The following TNPO1 variants were observed in gnomAD, a reference collection of about 807,000 sequenced individuals.
TNPO1 encodes transportin 1.
A neutral mutation model predicts 119.5 loss-of-function variants in TNPO1; 8 were observed. The ratio of observed to expected loss-of-function variants is 0.07; its 90% confidence interval spans 0.04 to 0.12. The LOEUF (loss-of-function observed/expected upper bound fraction) is 0.12, where lower values mean the gene tolerates loss of function less well. Ranked by LOEUF, TNPO1 falls within the 10% of genes least tolerant of loss-of-function variation. The pLI is 1.00. For missense variants in TNPO1, 576 were observed against 1,089.8 expected, an observed-to-expected ratio of 0.53 and a Z score of 6.64; for synonymous variants, 362 against 363.0, an observed-to-expected ratio of 1.00 and a Z score of 0.03.
intron 1 of TNPO1, among the ~76,000 whole-genome samples, chr5:72,827,590 G>T (rs1429797635): frequency 1.3e-5 from 2 of 152,092 alleles, no homozygotes; most frequent in African/African-American, 4.8e-5. Flanking sequence ...GGGAAATAAG[G>T]ATCATTGCTT....
chr5:72,864,594 T>C lies in TNPO1; in HGVS notation c.463-1002T>C, dbSNP rs563449560. On this transcript the variant is annotated intron_variant, in intron 5 of 24. Transcript: ENST00000337273. ...TTTTATATGTAAGTAACTTTTTTTT[T>C]CTATATGTAAGTAACTTTTTTTTCC... 5.5e-4 allele frequency among the ~76,000 whole-genome samples: 84 copies of C among 151,692 alleles called. 2 individuals are homozygous for C. The highest frequency in any genetic ancestry group is 1.9e-3 in the African/African-American group (77 of 41,518).
rs986224765 is a variant in TNPO1 at position 72,912,309 on chromosome 5, TAAGA to T, written c.*3637_*3640del. On this transcript the variant is annotated 3_prime_UTR_variant, in exon 25 of 25. Transcript: ENST00000337273. ...TGATAAACACTGTGATTTTTTTGGTTAAGACTTTTTCATTGATCTGAATTGCTTA... is the reference window on the plus strand; with the variant it reads ...TGATAAACACTGTGATTTTTTTGGTTCTTTTTCATTGATCTGAATTGCTTA... The T allele has an allele frequency of 6.6e-6, 1 of 152,512 alleles. No individual in the cohort carries two copies. Among genetic ancestry groups the T allele is most frequent in the Non-Finnish European group, 1.5e-5 (1 of 67,916 alleles). 9.4% of individuals were successfully genotyped at this position (152,512 alleles called of 1,614,324 possible). A position where few individuals can be genotyped will look rare whatever the true frequency, so the allele number is the denominator to read the frequency against.
intron 19 of TNPO1, 92 bp downstream of exon 19, chr5:72,896,648 TC>T (rs1749449017): frequency 5.5e-6 from 5 of 904,536 alleles, no homozygotes. Flanking sequence ...GGCGGGCAGA[TC>T]ACCTGAGGTC....
intron 2 of TNPO1, 139 bp from the exon 3 acceptor site, chr5:72,851,105 A>C: frequency 3.2e-6 from 2 of 629,220 alleles, no homozygotes; most frequent in Non-Finnish European, 5.7e-6. Flanking sequence ...AGATTTAGTA[A>C]GATATCCTTA....
At position 72,910,518 on chromosome 5, in the gene TNPO1, G is replaced by A. The variant is rs913003247; in HGVS notation, c.*1845G>A. The A allele has an allele frequency of 1.3e-5, 2 of 152,576 alleles. No individual in the cohort carries two copies. Among genetic ancestry groups the A allele is most frequent in the Non-Finnish European group, 2.9e-5 (2 of 68,004 alleles). The allele number at this position is 152,576 out of a possible 1,614,324, so 9.5% of individuals were successfully genotyped here. On this transcript the variant is annotated 3_prime_UTR_variant, in exon 25 of 25. Transcript: ENST00000337273. ...CTCTGCTGGTCAGAGATGAAGCCACGCCTTTCCATTTTTCAATGCTGCATA... is the reference window on the plus strand; with the variant it reads ...CTCTGCTGGTCAGAGATGAAGCCACACCTTTCCATTTTTCAATGCTGCATA...
intron 7 of TNPO1, among the ~76,000 whole-genome samples, chr5:72,874,332 A>G (rs1159046513): frequency 2.6e-5 from 4 of 152,090 alleles, no homozygotes; most frequent in African/African-American, 9.7e-5. Context: ...AGTCTAACAT[A>G]TTGATGAAAA....
At chr5:72,888,889 G>A (rs1199970986) in intron 13 of TNPO1, among the ~76,000 whole-genome samples, 1 of 152,118 alleles carries the variant, frequency 6.6e-6, no homozygotes, top group African/African-American at 2.4e-5. Context: ...TTTATATCAA[G>A]CCAGCAGTTG....
At chr5:72,877,774 C>T (rs375525745) in intron 9 of TNPO1, among the ~76,000 whole-genome samples, 1 of 151,854 alleles carries the variant, frequency 6.6e-6, no homozygotes, top group African/African-American at 2.4e-5. Flanking sequence ...AATATAAGCT[C>T]GTGGGAAAAA....
At chr5:72,903,578 T>G in intron 22 of TNPO1, 131 bp from the exon 23 acceptor site, 1 of 621,594 alleles carries the variant, frequency 1.6e-6, no homozygotes, top group Non-Finnish European at 2.8e-6. Context: ...CTTATGATCA[T>G]AGTTAATTTT....
At chr5:72,876,472 A>G (rs922636249) in intron 8 of TNPO1, among the ~76,000 whole-genome samples, 1 of 152,226 alleles carries the variant, frequency 6.6e-6, no homozygotes, top group Non-Finnish European at 1.5e-5. Context: ...ATTCGCACTA[A>G]GAGATGTCAC....
At chr5:72,904,072 T>C (rs1383302292) in intron 23 of TNPO1, among the ~76,000 whole-genome samples, 1 of 152,188 alleles carries the variant, frequency 6.6e-6, no homozygotes, top group East Asian at 1.9e-4. Flanking sequence ...TTTTTCAAGA[T>C]GGAAATGGAG....
At chr5:72,831,345 T>A (rs1744453248) in intron 1 of TNPO1, among the ~76,000 whole-genome samples, 1 of 151,958 alleles carries the variant, frequency 6.6e-6, no homozygotes, top group African/African-American at 2.4e-5. Context: ...CTATATATAT[T>A]GTTTTTTCTT....
At chr5:72,838,778 T>C (rs1744799239) in intron 1 of TNPO1, among the ~76,000 whole-genome samples, 2 of 152,150 alleles carry the variant, frequency 1.3e-5, no homozygotes, top group Non-Finnish European at 2.9e-5. Context: ...AGGAATAGTT[T>C]GGAGTAGTAG....
chr5:72,907,424 C>CTCTT (rs1454786995), intron 24 of TNPO1, among the ~76,000 whole-genome samples: 1 of 152,026 alleles, frequency 6.6e-6, no homozygotes, highest in African/African-American at 2.4e-5. Context: ...TTTTGTACTC[C>CTCTT]TCTTCCTTTT....
At chr5:72,880,827 A>C (rs1748187938) in intron 9 of TNPO1, among the ~76,000 whole-genome samples, 1 of 151,812 alleles carries the variant, frequency 6.6e-6, no homozygotes, top group South Asian at 2.1e-4. Flanking sequence ...AAAAAAAAAA[A>C]AAAAAAACCT....
chr5:72,850,710 C>G (rs1745480164), intron 2 of TNPO1, among the ~76,000 whole-genome samples: 2 of 152,202 alleles, frequency 1.3e-5, no homozygotes, highest in South Asian at 2.1e-4. Flanking sequence ...GCAATAATCT[C>G]ATAATGCTGA....
At chr5:72,888,643 C>T (rs1186640127) in intron 13 of TNPO1, among the ~76,000 whole-genome samples, 1 of 152,202 alleles carries the variant, frequency 6.6e-6, no homozygotes, top group Non-Finnish European at 1.5e-5. Context: ...GTTATTATAA[C>T]AGAACTATCT....
intron 18 of TNPO1, among the ~76,000 whole-genome samples, chr5:72,894,687 A>G (rs768190158): frequency 7.9e-5 from 12 of 152,208 alleles, no homozygotes; most frequent in Non-Finnish European, 1.5e-4. Context: ...AATTATTTTA[A>G]TACTTCATTT....
chr5:72,824,820 T>C (rs911178587), intron 1 of TNPO1, among the ~76,000 whole-genome samples: 1 of 152,132 alleles, frequency 6.6e-6, no homozygotes, highest in African/African-American at 2.4e-5. Context: ...ATTCCAGTCT[T>C]ACATGTGCAA....
Sources: gnomAD v4.1 joint callset for allele counts (sites outside exome capture counted in the v4.1 genomes callset) on GRCh38, gnomAD v4.1.1 for gene constraint, MANE v1.5 for transcripts, NCBI Gene and HGNC (gene_info 2026-07-23, HGNC 2026-07-21) for gene names.